SPMIP2: variants seen among roughly 807,000 people sequenced by gnomAD.
SPMIP2 encodes sperm microtubule inner protein 2.
chr4:158,971,062 T>C, the SPMIP2 span, among the ~76,000 whole-genome samples: 1 of 152,220 alleles, frequency 6.6e-6, no homozygotes, highest in African/African-American at 2.4e-5. Context: ...CTCACAGCTA[T>C]CATCTCTTTT....
At chr4:158,898,710 CT>C in the SPMIP2 span, among the ~76,000 whole-genome samples, 1 of 152,198 alleles carries the variant, frequency 6.6e-6, no homozygotes, top group South Asian at 2.1e-4. Flanking sequence ...GCTGAAGTTG[CT>C]TATCAGCTTA....
the SPMIP2 span, among the ~76,000 whole-genome samples, chr4:158,971,677 G>T: frequency 6.6e-6 from 1 of 152,112 alleles, no homozygotes; most frequent in Non-Finnish European, 1.5e-5. Context: ...CGCATATAGG[G>T]CTTGATACAT....
At chr4:158,972,991 C>CA in the SPMIP2 span, 1 of 861,104 alleles carries the variant, frequency 1.2e-6, no homozygotes, top group Non-Finnish European at 1.8e-6. Context: ...AGAAATCAAG[C>CA]ACCCGACATT....
At chr4:159,030,294 C>T in the SPMIP2 span, among the ~76,000 whole-genome samples, 1 of 151,880 alleles carries the variant, frequency 6.6e-6, no homozygotes, top group Non-Finnish European at 1.5e-5. Context: ...CACCTATAGT[C>T]CCAGCCACTT....
chr4:158,962,882 G>A, the SPMIP2 span, among the ~76,000 whole-genome samples: 5 of 152,176 alleles, frequency 3.3e-5, no homozygotes, highest in South Asian at 1.0e-3. Flanking sequence ...AAAAAGTTCA[G>A]TGCAGAGACC....
the SPMIP2 span, among the ~76,000 whole-genome samples, chr4:158,955,302 T>G: frequency 6.6e-6 from 1 of 152,204 alleles, no homozygotes; most frequent in African/African-American, 2.4e-5. Flanking sequence ...GTGTACAAAT[T>G]TTTAGATTCT....
At chr4:158,989,987 C>T in the SPMIP2 span, among the ~76,000 whole-genome samples, 1 of 152,098 alleles carries the variant, frequency 6.6e-6, no homozygotes, top group African/African-American at 2.4e-5. Flanking sequence ...ATCCATATGA[C>T]AAAGGGCTAA....
the SPMIP2 span, among the ~76,000 whole-genome samples, chr4:158,928,974 G>A: frequency 8.5e-5 from 13 of 152,132 alleles, no homozygotes; most frequent in African/African-American, 2.9e-4. Flanking sequence ...AACTCCAGAC[G>A]CGCCACCTTA....
At chr4:158,924,023 A>C in the SPMIP2 span, among the ~76,000 whole-genome samples, 1 of 152,182 alleles carries the variant, frequency 6.6e-6, no homozygotes, top group Non-Finnish European at 1.5e-5. Flanking sequence ...TGTCCTTATA[A>C]GAAGAGAAAG....
At chr4:158,952,670 A>G in the SPMIP2 span, among the ~76,000 whole-genome samples, 1 of 152,218 alleles carries the variant, frequency 6.6e-6, no homozygotes, top group Admixed American at 6.5e-5. Flanking sequence ...TCAGAAGAAG[A>G]CAGGAAAATG....
chr4:158,893,652 A>G, the SPMIP2 span: 4 of 1,522,676 alleles, frequency 2.6e-6, no homozygotes, highest in African/African-American at 5.5e-5. Context: ...GTTATACAGT[A>G]GTAGGCAGTT....
chr4:158,993,228 C>T, the SPMIP2 span, among the ~76,000 whole-genome samples: 14 of 151,932 alleles, frequency 9.2e-5, no homozygotes, highest in African/African-American at 3.4e-4. Flanking sequence ...TAGCCAGCCG[C>T]CCATGGCATG....
the SPMIP2 span, among the ~76,000 whole-genome samples, chr4:158,977,654 A>G: frequency 8.1e-6 from 1 of 123,274 alleles, no homozygotes; most frequent in African/African-American, 3.2e-5. Context: ...TCGCTCTGTC[A>G]GCCAGGCTGG....
the SPMIP2 span, among the ~76,000 whole-genome samples, chr4:158,903,256 C>T: frequency 6.6e-5 from 10 of 152,132 alleles, no homozygotes; most frequent in African/African-American, 2.4e-4. Flanking sequence ...TTGCACTTCC[C>T]GAGTAAGGCA....
chr4:158,974,597 T>A, the SPMIP2 span, among the ~76,000 whole-genome samples: 1 of 152,162 alleles, frequency 6.6e-6, no homozygotes, highest in African/African-American at 2.4e-5. Context: ...TGAGAATGAC[T>A]GTTTCCAGCT....
At chr4:158,904,997 C>T in the SPMIP2 span, 757 of 155,244 alleles carry the variant, frequency 4.9e-3, 6 homozygotes, top group African/African-American at 0.017. Flanking sequence ...TCTGAGACAA[C>T]AATCAGAATA....
At chr4:158,896,653 CGCCTGTGTTGTTCG>C in the SPMIP2 span, among the ~76,000 whole-genome samples, 1 of 152,122 alleles carries the variant, frequency 6.6e-6, no homozygotes, top group Non-Finnish European at 1.5e-5. Flanking sequence ...CAGAATGTGA[CGCCTGTGTTGTTCG>C]GCTCTTGGCA....
At chr4:158,991,096 T>G in the SPMIP2 span, among the ~76,000 whole-genome samples, 149,710 of 152,234 alleles carry the variant, frequency 0.98, 73,658 homozygotes, top group East Asian at 1. Flanking sequence ...TAAAGTTGAT[T>G]ATGTGAATGT....
the SPMIP2 span, among the ~76,000 whole-genome samples, chr4:159,044,811 G>C: frequency 6.6e-6 from 1 of 152,218 alleles, no homozygotes; most frequent in African/African-American, 2.4e-5. Context: ...AGCTGAGCTG[G>C]CTGGGCACGA....
Sources: allele counts gnomAD v4.1 joint callset (sites outside exome capture counted in the v4.1 genomes callset), GRCh38; gene constraint gnomAD v4.1.1; transcripts MANE v1.5; gene names NCBI Gene and HGNC (gene_info 2026-07-23, HGNC 2026-07-21).